The following CFD variants were observed in gnomAD, a reference collection of about 807,000 sequenced individuals.
The protein encoded by CFD is C3 convertase activator.
A neutral mutation model predicts 21.1 loss-of-function variants in CFD; 24 were observed. The ratio of observed to expected loss-of-function variants is 1.14; its 90% CI spans 0.82 to 1.60. The LOEUF is 1.60. Among genes scored for constraint, CFD ranks in the 40% most tolerant of loss-of-function variants. The probability of loss-of-function intolerance (pLI) is 0.00; values close to 1 mark genes in which losing one functional copy is unlikely to be tolerated. For synonymous variants in CFD, 242 were observed against 175.9 expected, an observed-to-expected ratio of 1.38 and a Z score of -2.97; for missense variants, 535 against 383.3, an observed-to-expected ratio of 1.40 and a Z score of -3.31.
Position 863,541 on chromosome 19 carries a change from G to A in CFD, c.*303G>A. 2.2e-6 allele frequency: 1 copy of A among 450,072 alleles called. No homozygotes were observed. The highest frequency in any genetic ancestry group is 4.2e-5 in the East Asian group (1 of 23,558). The allele number at this position is 450,072 out of a possible 1,614,324, so 27.9% of individuals were successfully genotyped here. ...GACTTGAACGCAGGAGGCTGAGGCTGCAGTGAGTTGTGATTGCACCACTGC... is the reference window on the plus strand; with the variant it reads ...GACTTGAACGCAGGAGGCTGAGGCTACAGTGAGTTGTGATTGCACCACTGC... On this transcript the variant is annotated 3_prime_UTR_variant, in exon 5 of 5. Coordinates refer to ENST00000327726, the MANE Select transcript of CFD (RefSeq NM_001928.4).
rs376221139 is a variant in CFD at position 861,842 on chromosome 19, G to C, written c.501G>C (p.Gln167His). The C allele has an allele frequency of 9.4e-5, 151 of 1,600,124 alleles. No individual in the cohort carries two copies. In the Middle Eastern group the frequency reaches 3.0e-3, roughly 32 times the overall value. ...CGGGCCGCCGCCCGGACAGCCTGCAGCACGTGCTCTTGCCAGTGCTGGACC... is the reference window on the plus strand; with the variant it reads ...CGGGCCGCCGCCCGGACAGCCTGCACCACGTGCTCTTGCCAGTGCTGGACC... ...NHAGRRPDSL[Q>H]HVLLPVLDRA... Residue 167 changes from glutamine (Q) to histidine (H), a missense_variant, in exon 4 of 5, where the codon CAG (glutamine) becomes CAC (histidine). Gln to His is a conservative substitution (Grantham distance 24, BLOSUM62 0). Coordinates refer to ENST00000327726, the MANE Select transcript of CFD (RefSeq NM_001928.4).
chr19:863,121 G>T lies in CFD; in HGVS notation c.645G>T (p.Gly215=). ...ACTCCGGGGGCCCGCTGGTGTGCGGGGGCGTGCTCGAGGGCGTGGTCACCT... is the reference window on the plus strand; with the variant it reads ...ACTCCGGGGGCCCGCTGGTGTGCGGTGGCGTGCTCGAGGGCGTGGTCACCT... ...KGDSGGPLVC[G]GVLEGVVTSG... is the part of the protein sequence containing the mutation. The change falls in exon 5 of 5, where the codon GGG becomes GGT. Residue 215 remains glycine, a synonymous_variant. Coordinates refer to ENST00000327726, the MANE Select transcript of CFD (RefSeq NM_001928.4). 1.3e-6 allele frequency: 2 copies of T among 1,531,678 alleles called. No homozygotes were observed. Among genetic ancestry groups the T allele is most frequent in the Non-Finnish European group, 1.7e-6 (2 of 1,143,238 alleles). 94.9% of individuals were successfully genotyped at this position (1,531,678 alleles called of 1,614,324 possible). A position where few individuals can be genotyped will look rare whatever the true frequency, so the allele number is the denominator to read the frequency against.
Position 860,618 on chromosome 19 carries a change from G to A in CFD, c.57G>A (p.Ala19=). The A allele has an allele frequency of 6.9e-7, 1 of 1,442,678 alleles. No homozygotes were observed. The highest frequency in any genetic ancestry group is 1.4e-5 in the South Asian group (1 of 71,940). 89.4% of individuals were successfully genotyped at this position (1,442,678 alleles called of 1,614,324 possible). Residue 19 remains alanine (A), a splice_region_variant and synonymous_variant, in exon 2 of 5, where the codon GCG becomes GCA. Coordinates refer to ENST00000327726, the MANE Select transcript of CFD (RefSeq NM_001928.4). ...CCTCACGCGCCCGCCCACCCACAGC[G>A]GCGCCGCCCCGTGGTCGGATCCTGG... The part of the protein sequence containing the change: ...VLVLLGAAAC[A]APPRGRILGG...
At position 863,184 on chromosome 19, in the gene CFD, G is replaced by T; in HGVS notation, c.708G>T (p.Gly236=). The change falls in exon 5 of 5, where the codon GGG becomes GGT. Residue 236 remains glycine, a synonymous_variant. Transcript: ENST00000327726. ...TTTGCGGCAACCGCAAGAAGCCCGG[G>T]ATCTACACCCGCGTGGCGAGCTATG... ...SRVCGNRKKP[G]IYTRVASYAA... 2 of 1,538,784 alleles carry T rather than the reference G, an allele frequency of 1.3e-6. No individual in the cohort carries two copies. Among genetic ancestry groups the T allele is most frequent in the South Asian group, 1.2e-5 (1 of 84,192 alleles).
In CFD at chr19:863,414, G is replaced by T. The variant is rs772074605; in HGVS notation, c.*176G>T. 4 of 706,548 alleles carry T rather than the reference G, an allele frequency of 5.7e-6. No homozygotes were observed. The highest frequency in any genetic ancestry group is 5.3e-5 in the African/African-American group (3 of 56,364). 43.8% of individuals were successfully genotyped at this position (706,548 alleles called of 1,614,324 possible). Reference sequence around the variant, plus strand: ...GAGATCAGCATGGGCCACGTAGCGCGACTCCATCTCTACAAATAAATAAAA... The same window carrying T: ...GAGATCAGCATGGGCCACGTAGCGCTACTCCATCTCTACAAATAAATAAAA... On this transcript the variant is annotated 3_prime_UTR_variant, in exon 5 of 5. Transcript: ENST00000327726.
chr19:860,018 T>C (rs948484586), intron 1 of CFD, among the ~76,000 whole-genome samples: 1 of 151,990 alleles, frequency 6.6e-6, no homozygotes, highest in African/African-American at 2.4e-5. Flanking sequence ...ACTGGCTGGG[T>C]CAGCCCCATT....
At chr19:862,008 G>A (rs1219348027) in intron 4 of CFD, 52 bp downstream of exon 4, 17 of 1,509,564 alleles carry the variant, frequency 1.1e-5, no homozygotes, top group Non-Finnish European at 1.5e-5. Flanking sequence ...CCCGGGAAGG[G>A]CCTGCAGAGG....
At position 863,204 on chromosome 19, in the gene CFD, G is replaced by A. The variant is rs571091026; in HGVS notation, c.728G>A (p.Ser243Asn). 3.8e-5 allele frequency: 58 copies of A among 1,541,544 alleles called. No homozygotes were observed. The highest frequency in any genetic ancestry group is 6.8e-5 in the African/African-American group (5 of 73,574). The change falls in exon 5 of 5, where the codon AGC becomes AAC. Residue 243 changes from serine to asparagine, a missense_variant. Ser to Asn is a conservative substitution (Grantham distance 46). Transcript: ENST00000327726. Reference sequence around the variant, plus strand: ...CCCGGGATCTACACCCGCGTGGCGAGCTATGCGGCCTGGATCGACAGCGTC... The same window carrying A: ...CCCGGGATCTACACCCGCGTGGCGAACTATGCGGCCTGGATCGACAGCGTC... ...KKPGIYTRVA[S>N]YAAWIDSVLA
chr19:860,934 G>C lies in CFD; in HGVS notation c.286G>C (p.Asp96His), dbSNP rs758677702. 5 of 1,601,064 alleles carry C rather than the reference G, an allele frequency of 3.1e-6. No individual in the cohort carries two copies. In the African/African-American group the frequency reaches 5.4e-5, roughly 17 times the overall value. ...GCCGGAGCCCTCCAAGCGCCTGTAC[G>C]ACGTGCTCCGCGCAGTGCCCCACCC... The part of the protein sequence containing the change: ...SQPEPSKRLY[D>H]VLRAVPHPDS... Residue 96 changes from aspartate to histidine, a missense_variant, in exon 3 of 5, where the codon GAC (aspartate) becomes CAC (histidine). Coordinates refer to ENST00000327726, the MANE Select transcript of CFD (RefSeq NM_001928.4).
At chr19:863,048 G>A (rs2035830390) in intron 4 of CFD, 44 bp from the exon 5 acceptor site, 4 of 1,481,144 alleles carry the variant, frequency 2.7e-6, no homozygotes, top group African/African-American at 1.4e-5. Context: ...GTGAGGCCGG[G>A]GTGGGCGCGG....
chr19:860,735 G>C lies in CFD; in HGVS notation c.174G>C (p.Glu58Asp). Residue 58 changes from glutamate (E) to aspartate (D), a missense_variant, in exon 2 of 5, where the codon GAG (glutamate) becomes GAC (aspartate). By Grantham distance (45) the Glu-to-Asp change is conservative. Coordinates refer to ENST00000327726, the MANE Select transcript of CFD (RefSeq NM_001928.4). ...AHLCGGVLVA[E>D]QWVLSAAHCL... Reference sequence around the variant, plus strand: ...TGTGCGGCGGCGTCCTGGTGGCGGAGCAGTGGGTGCTGAGCGCGGCGCACT... The same window carrying C: ...TGTGCGGCGGCGTCCTGGTGGCGGACCAGTGGGTGCTGAGCGCGGCGCACT... The C allele has an allele frequency of 6.4e-7, 1 of 1,567,746 alleles. No individual in the cohort carries two copies. The highest frequency in any genetic ancestry group is 8.6e-7 in the Non-Finnish European group (1 of 1,166,306).
chr19:862,857 G>A (rs1054604637), intron 4 of CFD, among the ~76,000 whole-genome samples: 4 of 151,060 alleles, frequency 2.6e-5, no homozygotes, highest in African/African-American at 9.8e-5. Context: ...ACGTGGTGAG[G>A]TTGAGGCCAG....
Position 860,962 on chromosome 19 carries a change from ACAGC to A in CFD, c.320_323del (p.Gln107ProfsTer48), listed in dbSNP as rs779340173. The A allele has an allele frequency of 6.2e-7, 1 of 1,600,446 alleles. No individual in the cohort carries two copies. Among genetic ancestry groups the A allele is most frequent in the Non-Finnish European group, 8.5e-7 (1 of 1,179,534 alleles). ...GTGCTCCGCGCAGTGCCCCACCCGG[ACAGC>A]CAGCCCGACACCATCGACCACGACC... On this transcript the variant is annotated frameshift_variant, in exon 3 of 5. Transcript: ENST00000327726. LOFTEE classifies it high-confidence loss of function.
At position 860,913 on chromosome 19, in the gene CFD, G is replaced by A; in HGVS notation, c.265G>A (p.Glu89Lys). 6 of 1,596,948 alleles carry A rather than the reference G, an allele frequency of 3.8e-6. No homozygotes were observed. Among genetic ancestry groups the A allele is most frequent in the Non-Finnish European group, 5.1e-6 (6 of 1,177,084 alleles). ...GGGCGCGCACTCCCTGTCGCAGCCG[G>A]AGCCCTCCAAGCGCCTGTACGACGT... The part of the protein sequence containing the change: ...LLGAHSLSQP[E>K]PSKRLYDVLR... Residue 89 changes from glutamate (E) to lysine (K), a missense_variant, in exon 3 of 5, where the codon GAG becomes AAG. Glu to Lys is a moderately conservative substitution (Grantham distance 56, BLOSUM62 1). Transcript: ENST00000327726.
Position 860,531 on chromosome 19 carries a change from G to T in CFD, c.56-86G>T, listed in dbSNP as rs575619743. ...ATGGGATTCTTGCGGGGAGCGGCCT[G>T]GGGGGTGAGAGCTGGGATCCCGTCA... On this transcript the variant is annotated intron_variant, in intron 1 of 4. Transcript: ENST00000327726. 2.6e-4 allele frequency: 336 copies of T among 1,288,080 alleles called. 1 individual carries two copies. The African/African-American group carries it at 4.6e-3, about 18-fold the overall frequency. 79.8% of individuals were successfully genotyped at this position (1,288,080 alleles called of 1,614,324 possible).
In CFD at chr19:860,153, C is replaced by T. The variant is rs372646121; in HGVS notation, c.55+409C>T. On this transcript the variant is annotated intron_variant, in intron 1 of 4. Coordinates refer to ENST00000327726, the MANE Select transcript of CFD (RefSeq NM_001928.4). The stretch of plus-strand genomic sequence containing the variant: ...CGCCCGAGGGTATCTGAGTTTGCAA[C>T]GCTGAGGGGCCCCAAGACGGAAACG... Among the ~76,000 whole-genome samples the T allele has an allele frequency of 2.7e-3, 418 of 152,032 alleles. 2 individuals are homozygous for T. The highest frequency in any genetic ancestry group is 9.3e-3 in the African/African-American group (386 of 41,476).
In CFD at chr19:860,602, C is replaced by T. The variant is rs2035772360; in HGVS notation, c.56-15C>T. 4 of 1,422,504 alleles carry T rather than the reference C, an allele frequency of 2.8e-6. No individual in the cohort carries two copies. The highest frequency in any genetic ancestry group is 3.6e-6 in the Non-Finnish European group (4 of 1,095,920). 88.1% of individuals were successfully genotyped at this position (1,422,504 alleles called of 1,614,324 possible). On this transcript the variant is annotated splice_polypyrimidine_tract_variant and intron_variant, in intron 1 of 4. Transcript: ENST00000327726. ...GAGTCCACCCCGCGGCCCTCACGCG[C>T]CCGCCCACCCACAGCGGCGCCGCCC...
chr19:860,655 GC>G lies in CFD; in HGVS notation c.96del (p.Glu33ArgfsTer13), dbSNP rs1481663535. On this transcript the variant is annotated frameshift_variant, in exon 2 of 5. Coordinates refer to ENST00000327726, the MANE Select transcript of CFD (RefSeq NM_001928.4). LOFTEE classifies it high-confidence loss of function. ...PRGRILGGRE[A>X]EAHARPYMAS... ...TGGTCGGATCCTGGGCGGCAGAGAG[GC>G]CGAGGCGCACGCGCGGCCCTACATG... 1 of 1,500,792 alleles carries G rather than the reference GC, an allele frequency of 6.7e-7. No individual in the cohort carries two copies. Among genetic ancestry groups the G allele is most frequent in the Non-Finnish European group, 8.8e-7 (1 of 1,133,678 alleles). The allele number at this position is 1,500,792 out of a possible 1,614,324, so 93.0% of individuals were successfully genotyped here.
Position 860,669 on chromosome 19 carries a change from G to A in CFD, c.108G>A (p.Ala36=). The change falls in exon 2 of 5, where the codon GCG becomes GCA. Residue 36 remains alanine (A), a synonymous_variant. Transcript: ENST00000327726. Reference sequence around the variant, plus strand: ...GCGGCAGAGAGGCCGAGGCGCACGCGCGGCCCTACATGGCGTCGGTGCAGC... The same window carrying A: ...GCGGCAGAGAGGCCGAGGCGCACGCACGGCCCTACATGGCGTCGGTGCAGC... ...ILGGREAEAH[A]RPYMASVQLN... 2 of 1,510,950 alleles carry A rather than the reference G, an allele frequency of 1.3e-6. No homozygotes were observed. The highest frequency in any genetic ancestry group is 2.7e-5 in the East Asian group (1 of 37,714). The allele number at this position is 1,510,950 out of a possible 1,614,324, so 93.6% of individuals were successfully genotyped here.
Sources: gnomAD v4.1 joint callset for allele counts (sites outside exome capture counted in the v4.1 genomes callset) on GRCh38, gnomAD v4.1.1 for gene constraint, MANE v1.5 for transcripts, NCBI Gene and HGNC (gene_info 2026-07-23, HGNC 2026-07-21) for gene names.